Variants in SORBS2 observed in about 807,000 individuals in gnomAD.
SORBS2 encodes the protein sorbin and SH3 domain-containing protein 2.
SORBS2 carries 46 observed loss-of-function variants against 97.7 expected under a neutral mutation model. The observed-to-expected ratio is 0.47, with a 90% CI of 0.37 to 0.60. The LOEUF is 0.60. SORBS2 is among the 20% of genes least tolerant of loss of function. The pLI, the probability that SORBS2 is intolerant of heterozygous loss-of-function variation, is 0.00. For missense variants in SORBS2, 1,316 were observed against 1,282.3 expected (o/e 1.03, Z -0.40); for synonymous variants, 476 against 473.4 (o/e 1.01, Z -0.07).
chr4:185,676,816 T>C (rs1234069016), intron 4 of SORBS2, among the ~76,000 whole-genome samples: 2 of 152,216 alleles, frequency 1.3e-5, no homozygotes, highest in Non-Finnish European at 2.9e-5. Flanking sequence ...CATTTAAAAA[T>C]ACCTAGACAT....
intron 2 of SORBS2, among the ~76,000 whole-genome samples, chr4:185,721,179 A>G (rs1216882177): frequency 7.3e-6 from 1 of 136,998 alleles, no homozygotes; most frequent in Non-Finnish European, 1.5e-5. Flanking sequence ...GGTTCAAGTG[A>G]TTCTCCTGCC....
intron 1 of SORBS2, among the ~76,000 whole-genome samples, chr4:185,947,611 GGT>G (rs2099275136): frequency 2.0e-5 from 2 of 100,508 alleles, no homozygotes; most frequent in Admixed American, 1.9e-4. Flanking sequence ...TTTTTTCTTG[GGT>G]TTTTTTTTTC....
intron 1 of SORBS2, among the ~76,000 whole-genome samples, chr4:185,891,576 G>A (rs772232546): frequency 8.5e-5 from 13 of 152,104 alleles, no homozygotes; most frequent in Non-Finnish European, 1.5e-4. Flanking sequence ...TCAGGTTTTT[G>A]CACTTCTGAC....
intron 6 of SORBS2, among the ~76,000 whole-genome samples, chr4:185,626,346 A>G (rs138585107): frequency 1.1e-4 from 16 of 152,366 alleles, no homozygotes; most frequent in Non-Finnish European, 2.4e-4. Context: ...AAATGGCTAA[A>G]GAAATTAATA....
chr4:185,729,173 C>T (rs1327527800), intron 2 of SORBS2, among the ~76,000 whole-genome samples: 2 of 152,208 alleles, frequency 1.3e-5, no homozygotes, highest in South Asian at 4.1e-4. Flanking sequence ...TCCCACTTTC[C>T]TTTATTTCCT....
At chr4:185,906,696 T>A (rs1349469706) in intron 1 of SORBS2, among the ~76,000 whole-genome samples, 1 of 152,236 alleles carries the variant, frequency 6.6e-6, no homozygotes, top group Admixed American at 6.5e-5. Flanking sequence ...TATCTCGGAC[T>A]ATATGCATGA....
chr4:185,587,183 A>C (rs569573157), exon 15 of SORBS2: 1 of 181,962 alleles, frequency 5.5e-6, no homozygotes, highest in Non-Finnish European at 1.2e-5. Flanking sequence ...CAAGCGAAGA[A>C]TATGAAAATG....
In SORBS2 at chr4:185,603,893, A is replaced by G. The variant is rs1395486475; in HGVS notation, c.2796+7887T>C. On this transcript the variant is annotated intron_variant, in intron 12 of 14. Transcript: ENST00000418609. ...AAAGGATGATCCTTCCCACATCCTCATGAATTTACGTCACTTTTGTGGAAG... is the reference window on the plus strand; with the variant it reads ...AAAGGATGATCCTTCCCACATCCTCGTGAATTTACGTCACTTTTGTGGAAG... Among the ~76,000 whole-genome samples, 7 of 152,228 alleles carry G rather than the reference A, an allele frequency of 4.6e-5. No homozygotes were observed. In the East Asian group the frequency reaches 1.3e-3, roughly 29 times the overall value.
intron 1 of SORBS2, among the ~76,000 whole-genome samples, chr4:185,925,277 T>A (rs890885451): frequency 2.0e-5 from 3 of 152,208 alleles, no homozygotes; most frequent in Admixed American, 1.3e-4. Flanking sequence ...CTTAAATATG[T>A]ACATGTACAG....
chr4:185,844,871 C>T (rs529471462), intron 1 of SORBS2, among the ~76,000 whole-genome samples: 30 of 152,252 alleles, frequency 2.0e-4, no homozygotes, highest in African/African-American at 6.7e-4. Flanking sequence ...ATATGTAACA[C>T]GATTCCATTC....
intron 1 of SORBS2, among the ~76,000 whole-genome samples, chr4:185,885,336 C>T (rs2099238873): frequency 6.6e-6 from 1 of 152,214 alleles, no homozygotes; most frequent in African/African-American, 2.4e-5. Context: ...CGGGCACCTG[C>T]TGTCTTTTCA....
chr4:185,697,689 CATA>C (rs1240710165), intron 2 of SORBS2, among the ~76,000 whole-genome samples: 1 of 152,140 alleles, frequency 6.6e-6, no homozygotes. Flanking sequence ...TAAAATGTCA[CATA>C]ACAAATTGTG....
At position 185,614,813 on chromosome 4, in the gene SORBS2, A is replaced by C; in HGVS notation, c.2595+18T>G. ...ACAAACAAACAAAAACAAACAAACA[A>C]AAAACCAGCTGGGCTACCTTTCTCA... On this transcript the variant is annotated intron_variant, in intron 11 of 14. Transcript: ENST00000418609. The C allele has an allele frequency of 6.2e-7, 1 of 1,613,106 alleles. No homozygotes were observed. The highest frequency in any genetic ancestry group is 8.5e-7 in the Non-Finnish European group (1 of 1,179,600).
At chr4:185,767,359 G>A (rs1189681118) in intron 2 of SORBS2, among the ~76,000 whole-genome samples, 2 of 142,014 alleles carry the variant, frequency 1.4e-5, no homozygotes, top group Admixed American at 1.5e-4. Flanking sequence ...AATTAGCCGG[G>A]CGTGGTGGCG....
chr4:185,703,858 C>T (rs574094635), intron 2 of SORBS2, among the ~76,000 whole-genome samples: 2 of 152,110 alleles, frequency 1.3e-5, no homozygotes, highest in South Asian at 4.2e-4. Flanking sequence ...TTAAGAAAAG[C>T]AATCTGAATT....
chr4:185,712,249 T>A (rs1206295992), intron 2 of SORBS2, among the ~76,000 whole-genome samples: 3 of 152,144 alleles, frequency 2.0e-5, no homozygotes, highest in African/African-American at 7.2e-5. Context: ...CAGATGAATG[T>A]CAGAGAGAAG....
intron 2 of SORBS2, among the ~76,000 whole-genome samples, chr4:185,729,489 TC>T (rs1315468770): frequency 6.6e-6 from 1 of 152,190 alleles, no homozygotes; most frequent in Non-Finnish European, 1.5e-5. Flanking sequence ...GGGAGAACAC[TC>T]CTCACTGTCC....
chr4:185,656,603 C>A lies in SORBS2; in HGVS notation c.24+12G>T, dbSNP rs765583699. 1.9e-6 allele frequency: 3 copies of A among 1,539,318 alleles called. No individual in the cohort carries two copies. The South Asian group carries it at 3.6e-5, about 18-fold the overall frequency. ...CAGCTGCAGTCCCTCCCCGCATGGCCCCCAACTTCACCTGCAAAGGTGTTG... is the reference window on the plus strand; with the variant it reads ...CAGCTGCAGTCCCTCCCCGCATGGCACCCAACTTCACCTGCAAAGGTGTTG... On this transcript the variant is annotated intron_variant, in intron 1 of 14. Transcript: ENST00000418609.
At chr4:185,942,065 A>G (rs1004282403) in intron 1 of SORBS2, among the ~76,000 whole-genome samples, 7 of 152,014 alleles carry the variant, frequency 4.6e-5, no homozygotes, top group Non-Finnish European at 8.8e-5. Context: ...GCAGTGAGCC[A>G]AGATCATGCC....
Sources: allele counts gnomAD v4.1 joint callset (sites outside exome capture counted in the v4.1 genomes callset), GRCh38; gene constraint gnomAD v4.1.1; transcripts MANE v1.5; gene names NCBI Gene and HGNC (gene_info 2026-07-23, HGNC 2026-07-21).